The following CAPN7 variants were observed in gnomAD, a reference collection of about 807,000 sequenced individuals.
The protein encoded by CAPN7 is calpain-7.
CAPN7 carries 72 observed loss-of-function variants against 115.2 expected under a neutral mutation model. The ratio of observed to expected loss-of-function variants is 0.63; its 90% CI spans 0.52 to 0.76. The LOEUF (loss-of-function observed/expected upper bound fraction) is 0.76. CAPN7 is among the 30% of genes least tolerant of loss of function. CAPN7 has a pLI of 0.00. For missense variants in CAPN7, 905 were observed against 971.5 expected, an observed-to-expected ratio of 0.93 and a Z score of 0.91; for synonymous variants, 344 against 322.3, an observed-to-expected ratio of 1.07 and a Z score of -0.72.
At chr3:15,223,871 G>A (rs1694145636) in intron 6 of CAPN7, among the ~76,000 whole-genome samples, 1 of 152,130 alleles carries the variant, frequency 6.6e-6, no homozygotes, top group Non-Finnish European at 1.5e-5. Context: ...CTAACACACA[G>A]TAAAGAAACT....
At chr3:15,234,888 G>A in intron 11 of CAPN7, 137 bp from the exon 12 acceptor site, 1 of 566,074 alleles carries the variant, frequency 1.8e-6, no homozygotes. Flanking sequence ...CATTAGAAAT[G>A]TACTTCTTTT....
chr3:15,217,575 T>G lies in CAPN7; in HGVS notation c.362T>G (p.Leu121Arg). 2 of 1,611,974 alleles carry G rather than the reference T, an allele frequency of 1.2e-6. No homozygotes were observed. The highest frequency in any genetic ancestry group is 1.7e-6 in the Non-Finnish European group (2 of 1,179,122). Residue 121 changes from leucine (L) to arginine (R), a missense_variant, in exon 3 of 21, where the codon CTG (leucine) becomes CGG (arginine). Transcript: ENST00000253693. Reference protein sequence around the residue: ...ELYTEAVDLCLKTSYETADKV... With the variant: ...ELYTEAVDLCRKTSYETADKV... The stretch of plus-strand genomic sequence containing the variant: ...TACACAGAAGCTGTGGATCTCTGTC[T>G]GAAAACAGTGTGTATAGCTACAAAT...
Position 15,217,535 on chromosome 3 carries a change from G to C in CAPN7, c.322G>C (p.Asp108His). ...TGAAGATGAAAAAGAGAATGTTGAA[G>C]ATGCTATAGAATTGTACACAGAAGC... ...FDEDEKENVE[D>H]AIELYTEAVD... Residue 108 changes from aspartate to histidine, a missense_variant, in exon 3 of 21, where the codon GAT (aspartate) becomes CAT (histidine). Transcript: ENST00000253693. 1 of 1,613,872 alleles carries C rather than the reference G, an allele frequency of 6.2e-7. No individual in the cohort carries two copies. The highest frequency in any genetic ancestry group is 1.1e-5 in the South Asian group (1 of 91,064).
chr3:15,250,528 C>T (rs994286191), intron 19 of CAPN7, among the ~76,000 whole-genome samples: 5 of 151,970 alleles, frequency 3.3e-5, no homozygotes, highest in African/African-American at 4.8e-5. Context: ...AAAATTTAGC[C>T]AGGCACAGTG....
intron 6 of CAPN7, among the ~76,000 whole-genome samples, chr3:15,226,866 AAGTTATGTTTGTGCC>A (rs1694349830): frequency 6.6e-6 from 1 of 152,068 alleles, no homozygotes; most frequent in Admixed American, 6.5e-5. Context: ...AAAAAAAAAA[AAGTTATGTTTGTGCC>A]AGTTTGCATA....
Position 15,229,059 on chromosome 3 carries a change from G to C in CAPN7, c.938G>C (p.Gly313Ala), listed in dbSNP as rs761464627. The C allele has an allele frequency of 6.2e-7, 1 of 1,606,032 alleles. No individual in the cohort carries two copies. The highest frequency in any genetic ancestry group is 1.3e-5 in the African/African-American group (1 of 74,652). The change falls in exon 8 of 21, where the codon GGC becomes GCC. Residue 313 changes from glycine (G) to alanine (A), a missense_variant and splice_region_variant. Transcript: ENST00000253693. ...CGTTTTAATAAGAAGTTAATTACCG[G>C]GTAAAAATGTGTCTCTCTTTACCTC... ...ERRFNKKLIT[G>A]IIYPQNKDGE... is the part of the protein sequence containing the mutation.
At chr3:15,232,452 A>G (rs1694747629) in intron 9 of CAPN7, 67 bp from the exon 10 acceptor site, 5 of 1,301,132 alleles carry the variant, frequency 3.8e-6, no homozygotes, top group Non-Finnish European at 5.3e-6. Flanking sequence ...GTATGTTTTT[A>G]TTTCTTGATA....
intron 9 of CAPN7, 76 bp downstream of exon 9, chr3:15,230,611 A>G (rs957464339): frequency 2.4e-6 from 2 of 849,824 alleles, no homozygotes; most frequent in Non-Finnish European, 4.0e-6. Context: ...TGAAATCATT[A>G]AGAAATGTCA....
At chr3:15,210,957 C>A in intron 1 of CAPN7, 1 of 1,143,890 alleles carries the variant, frequency 8.7e-7, no homozygotes, top group Non-Finnish European at 1.1e-6. Context: ...CTTTGCTTTT[C>A]TAGGTGGTAG....
At chr3:15,242,994 A>C (rs985583625) in intron 16 of CAPN7, among the ~76,000 whole-genome samples, 1 of 152,144 alleles carries the variant, frequency 6.6e-6, no homozygotes, top group African/African-American at 2.4e-5. Context: ...GCAAAATATC[A>C]AGTACTGATA....
At position 15,242,160 on chromosome 3, in the gene CAPN7, G is replaced by A. The variant is rs1695387395; in HGVS notation, c.1789-18G>A. ...TTGAACCCATTTTCTAACCACATTG[G>A]ATTCTTTGTGATTTTAGGATGATTT... is the stretch of plus-strand genomic sequence containing the variant. On this transcript the variant is annotated intron_variant, in intron 15 of 20. Transcript: ENST00000253693. The A allele has an allele frequency of 6.4e-7, 1 of 1,558,602 alleles. No homozygotes were observed. The highest frequency in any genetic ancestry group is 1.8e-5 in the Admixed American group (1 of 54,870).
At chr3:15,247,821 TAAGA>T (rs1695758293) in intron 19 of CAPN7, among the ~76,000 whole-genome samples, 1 of 152,122 alleles carries the variant, frequency 6.6e-6, no homozygotes, top group Admixed American at 6.5e-5. Context: ...GCTGCATTGA[TAAGA>T]AAAAAATCTG....
intron 11 of CAPN7, 46 bp from the exon 12 acceptor site, chr3:15,234,979 A>G (rs779843593): frequency 1.3e-6 from 2 of 1,557,716 alleles, no homozygotes; most frequent in African/African-American, 2.7e-5. Flanking sequence ...ATCTTAGATT[A>G]CAAATGTGTT....
At chr3:15,218,604 C>T in intron 4 of CAPN7, 64 bp downstream of exon 4, 1 of 1,153,302 alleles carries the variant, frequency 8.7e-7, no homozygotes, top group African/African-American at 1.5e-5. Context: ...ACAAATTTAT[C>T]TAAATGTGTT....
At chr3:15,227,699 T>A in intron 6 of CAPN7, 140 bp from the exon 7 acceptor site, 1 of 419,294 alleles carries the variant, frequency 2.4e-6, no homozygotes, top group Non-Finnish European at 4.2e-6. Context: ...AGAGCCAGAT[T>A]TGACCAGAAG....
rs866875819 is a variant in CAPN7, at chr3:15,229,132, T to C, written c.938+73T>C. 18 of 1,087,620 alleles carry C rather than the reference T, an allele frequency of 1.7e-5. No homozygotes were observed. In the Middle Eastern group the frequency reaches 2.4e-3, roughly 145 times the overall value. The allele number at this position is 1,087,620 out of a possible 1,614,324, so 67.4% of individuals were successfully genotyped here. A position where few individuals can be genotyped will look rare whatever the true frequency, so the allele number is the denominator to read the frequency against. ...CTAGAAATTTAAAACTTAAGCCTTA[T>C]CTGTATAGAAAGTGGAGAGGGCATA... On this transcript the variant is annotated intron_variant, in intron 8 of 20. Coordinates refer to ENST00000253693, the MANE Select transcript of CAPN7 (RefSeq NM_014296.3).
At chr3:15,227,013 T>G (rs568005156) in intron 6 of CAPN7, among the ~76,000 whole-genome samples, 2 of 152,070 alleles carry the variant, frequency 1.3e-5, no homozygotes, top group Non-Finnish European at 2.9e-5. Flanking sequence ...CACTCTGGTA[T>G]TTACTTCAGG....
intron 19 of CAPN7, among the ~76,000 whole-genome samples, chr3:15,248,831 T>A (rs1479834463): frequency 2.6e-5 from 4 of 151,518 alleles, no homozygotes; most frequent in African/African-American, 4.9e-5. Context: ...TCTGCAAAAA[T>A]TTTTTTAAAA....
chr3:15,244,162 C>T (rs1695520631), intron 16 of CAPN7, among the ~76,000 whole-genome samples: 1 of 152,156 alleles, frequency 6.6e-6, no homozygotes, highest in South Asian at 2.1e-4. Flanking sequence ...TGGTTTAAGT[C>T]TTACTTTGTT....
Sources: gnomAD v4.1 joint callset for allele counts (sites outside exome capture counted in the v4.1 genomes callset) on GRCh38, gnomAD v4.1.1 for gene constraint, MANE v1.5 for transcripts, NCBI Gene and HGNC (gene_info 2026-07-23, HGNC 2026-07-21) for gene names.